The following PDIA6 variants were observed in gnomAD, a reference collection of about 807,000 sequenced individuals.
The protein encoded by PDIA6 is protein disulfide isomerase family A member 6.
Under a neutral mutation model 58.4 loss-of-function variants are expected in PDIA6, and 29 were observed. The observed-to-expected ratio is 0.50, with a 90% confidence interval of 0.37 to 0.68. The LOEUF (loss-of-function observed/expected upper bound fraction) is 0.68, where lower values mean the gene tolerates loss of function less well. PDIA6 is among the 30% of genes least tolerant of loss of function. PDIA6 has a pLI of 0.00. For missense variants in PDIA6, 480 were observed against 551.0 expected, an observed-to-expected ratio of 0.87 and a Z score of 1.29; for synonymous variants, 192 against 202.6, an observed-to-expected ratio of 0.95 and a Z score of 0.44.
chr2:10,837,466 G>C (rs1156810996), upstream of PDIA6: 11 of 682,256 alleles, frequency 1.6e-5, no homozygotes, highest in African/African-American at 3.5e-5. Context: ...AAGCCAGGGA[G>C]AGGTTGGTAT....
At chr2:10,832,776 C>T (rs1406559379), upstream of PDIA6, among the ~76,000 whole-genome samples, 1 of 152,172 alleles carries the variant, frequency 6.6e-6, no homozygotes, top group African/African-American at 2.4e-5. Flanking sequence ...TGAGGCATCT[C>T]CTGAGGGGAG....
intron 2 of PDIA6, among the ~76,000 whole-genome samples, chr2:10,818,745 A>G (rs1489449001): frequency 1.3e-5 from 2 of 149,882 alleles, no homozygotes; most frequent in African/African-American, 4.9e-5. Flanking sequence ...CTGGTCTCAA[A>G]CTCCTGACCT....
rs753553538 is a variant in PDIA6, at chr2:10,797,216, ATG to A, written c.220-11_220-10del. On this transcript the variant is annotated splice_polypyrimidine_tract_variant and intron_variant, in intron 3 of 12. Coordinates refer to ENST00000272227, the MANE Select transcript of PDIA6 (RefSeq NM_005742.4). ...CCAACTTTGACAACATCCTGTGGAAATGTAAAAGAAATAACAATTTTTCCTTC... is the reference window on the plus strand; with the variant it reads ...CCAACTTTGACAACATCCTGTGGAAATAAAAGAAATAACAATTTTTCCTTC... 1 of 1,603,476 alleles carries A rather than the reference ATG, an allele frequency of 6.2e-7. No homozygotes were observed. The highest frequency in any genetic ancestry group is 8.5e-7 in the Non-Finnish European group (1 of 1,176,496).
At chr2:10,825,710 T>A (rs1379230819) in intron 1 of PDIA6, among the ~76,000 whole-genome samples, 3 of 152,150 alleles carry the variant, frequency 2.0e-5, no homozygotes, top group Non-Finnish European at 2.9e-5. Context: ...AAACGGCCAA[T>A]AAAGCACATG....
chr2:10,823,576 A>G (rs1335150902), intron 1 of PDIA6, among the ~76,000 whole-genome samples: 1 of 152,220 alleles, frequency 6.6e-6, no homozygotes, highest in Non-Finnish European at 1.5e-5. Flanking sequence ...GCAATTTCTG[A>G]TAATTCGAGC....
chr2:10,792,074 G>A (rs1237000515), intron 5 of PDIA6, 149 bp from the exon 6 acceptor site: 5 of 840,734 alleles, frequency 5.9e-6, no homozygotes, highest in East Asian at 2.6e-5. Flanking sequence ...TTCAAATTGG[G>A]TACATTCCTC....
intron 4 of PDIA6, among the ~76,000 whole-genome samples, chr2:10,794,438 T>G (rs963777387): frequency 7.0e-6 from 1 of 143,614 alleles, no homozygotes; most frequent in African/African-American, 2.6e-5. Context: ...AGAACGAGAC[T>G]CTGTGTCAAG....
chr2:10,815,830 C>G (rs548101672), upstream of PDIA6, among the ~76,000 whole-genome samples: 1 of 152,322 alleles, frequency 6.6e-6, no homozygotes, highest in East Asian at 1.9e-4. Context: ...CAGGCATGAG[C>G]TACTGCGCCT....
intron 8 of PDIA6, among the ~76,000 whole-genome samples, chr2:10,789,518 T>C (rs1016330812): frequency 1.3e-5 from 2 of 152,236 alleles, no homozygotes; most frequent in African/African-American, 2.4e-5. Flanking sequence ...GCAAGAGTGA[T>C]TGAATACACT....
At chr2:10,835,617 G>A (rs992945325), upstream of PDIA6, among the ~76,000 whole-genome samples, 5 of 152,166 alleles carry the variant, frequency 3.3e-5, no homozygotes, top group Admixed American at 2.6e-4. Flanking sequence ...AAGTAAAGCA[G>A]ACATCTCCGA....
intron 1 of PDIA6, among the ~76,000 whole-genome samples, chr2:10,809,213 A>C (rs1666893894): frequency 6.6e-6 from 1 of 152,232 alleles, no homozygotes. Context: ...AAATGTAGCT[A>C]CTAGAAAATT....
chr2:10,806,584 G>A (rs966881300), intron 1 of PDIA6, among the ~76,000 whole-genome samples: 3 of 106,378 alleles, frequency 2.8e-5, no homozygotes, highest in Admixed American at 1.1e-4. Flanking sequence ...AAACCAGGCT[G>A]GCCAACACAG....
intron 1 of PDIA6, among the ~76,000 whole-genome samples, chr2:10,830,485 G>A (rs1481732295): frequency 6.6e-6 from 1 of 152,188 alleles, no homozygotes; most frequent in Non-Finnish European, 1.5e-5. Context: ...ACATGGGGTG[G>A]CACCCAGAGC....
intron 4 of PDIA6, 57 bp downstream of exon 4, chr2:10,797,024 A>G: frequency 6.6e-7 from 1 of 1,510,628 alleles, no homozygotes; most frequent in South Asian, 1.1e-5. Flanking sequence ...CAAGCTTGTT[A>G]AAGAACAGTA....
chr2:10,824,765 T>G (rs898394202), intron 1 of PDIA6, among the ~76,000 whole-genome samples: 1 of 152,260 alleles, frequency 6.6e-6, no homozygotes, highest in Non-Finnish European at 1.5e-5. Context: ...CAGCTGAACA[T>G]TCCAGTTATT....
At chr2:10,829,397 C>T (rs140808069) in intron 1 of PDIA6, among the ~76,000 whole-genome samples, 1 of 152,346 alleles carries the variant, frequency 6.6e-6, no homozygotes, top group Non-Finnish European at 1.5e-5. Context: ...CCCTGCTTCT[C>T]CAGACTCTCA....
intron 4 of PDIA6, 100 bp downstream of exon 4, chr2:10,796,981 G>T: frequency 1.1e-6 from 1 of 935,348 alleles, no homozygotes. Context: ...CAGGTACAAT[G>T]AGGTTGAGAA....
At chr2:10,789,945 C>T in intron 7 of PDIA6, 56 bp from the exon 8 acceptor site, 1 of 1,485,912 alleles carries the variant, frequency 6.7e-7, no homozygotes, top group Non-Finnish European at 9.3e-7. Context: ...CAAAATAACA[C>T]AATCTTTACA....
intron 1 of PDIA6, among the ~76,000 whole-genome samples, chr2:10,820,581 G>A (rs377449462): frequency 6.6e-5 from 10 of 152,180 alleles, no homozygotes; most frequent in African/African-American, 2.2e-4. Context: ...ATCTGTGTCT[G>A]TAGTTTGATT....
Sources: gnomAD v4.1 joint callset for allele counts (sites outside exome capture counted in the v4.1 genomes callset) on GRCh38, gnomAD v4.1.1 for gene constraint, MANE v1.5 for transcripts, NCBI Gene and HGNC (gene_info 2026-07-23, HGNC 2026-07-21) for gene names.